The following TOM1 variants were observed in gnomAD, a reference collection of about 807,000 sequenced individuals.
The protein encoded by TOM1 is target of myb1 membrane trafficking protein, also known as target of Myb protein 1.
A neutral mutation model predicts 61.3 loss-of-function variants in TOM1; 38 were observed. The observed-to-expected ratio is 0.62, with a 90% CI of 0.48 to 0.81. The LOEUF (loss-of-function observed/expected upper bound fraction) is 0.81, where lower values mean the gene tolerates loss of function less well. TOM1 is among the 40% of genes least tolerant of loss of function. TOM1 has a pLI of 0.00. For missense variants in TOM1, 591 were observed against 659.6 expected (o/e 0.90, Z 1.14); for synonymous variants, 270 against 268.8 (o/e 1.00, Z -0.04).
intron 9 of TOM1, 173 bp downstream of exon 9, chr22:35,333,187 G>C (rs1928988724): frequency 1.2e-6 from 1 of 834,748 alleles, no homozygotes; most frequent in African/African-American, 1.7e-5. Flanking sequence ...AAATAAGGCT[G>C]TGCCACCACC....
intron 1 of TOM1, among the ~76,000 whole-genome samples, chr22:35,314,462 G>A (rs1347415465): frequency 6.6e-6 from 1 of 151,652 alleles, no homozygotes; most frequent in Non-Finnish European, 1.5e-5. Context: ...GGGGCGGGGG[G>A]TCCTTCTGCT....
chr22:35,322,780 G>A (rs1005625235), intron 3 of TOM1, among the ~76,000 whole-genome samples: 14 of 152,162 alleles, frequency 9.2e-5, no homozygotes, highest in African/African-American at 2.9e-4. Context: ...GTGCACTGAC[G>A]CCAGTCAGGG....
intron 11 of TOM1, among the ~76,000 whole-genome samples, chr22:35,335,017 C>T (rs1425852239): frequency 6.6e-6 from 1 of 152,186 alleles, no homozygotes; most frequent in Non-Finnish European, 1.5e-5. Context: ...CTGCCCTTCC[C>T]TGTGCACCGT....
At chr22:35,326,496 A>G (rs1279112278) in intron 6 of TOM1, among the ~76,000 whole-genome samples, 1 of 152,238 alleles carries the variant, frequency 6.6e-6, no homozygotes, top group African/African-American at 2.4e-5. Flanking sequence ...ATCCCTTGGA[A>G]CAAGTGCTAA....
intron 1 of TOM1, among the ~76,000 whole-genome samples, chr22:35,316,630 G>T (rs554056714): frequency 3.3e-5 from 5 of 152,328 alleles, no homozygotes; most frequent in Admixed American, 2.0e-4. Flanking sequence ...CCGACTCCCG[G>T]CCTGGAAATC....
chr22:35,301,350 G>C (rs1925767688), intron 1 of TOM1, among the ~76,000 whole-genome samples: 1 of 152,044 alleles, frequency 6.6e-6, no homozygotes, highest in African/African-American at 2.4e-5. Flanking sequence ...CGTTGTTCCT[G>C]AGATCACCAA....
chr22:35,347,093 G>A lies in TOM1; in HGVS notation c.1363G>A (p.Asp455Asn), dbSNP rs754296213. 14 of 1,613,492 alleles carry A rather than the reference G, an allele frequency of 8.7e-6. No homozygotes were observed. The highest frequency in any genetic ancestry group is 1.2e-5 in the Non-Finnish European group (14 of 1,179,802). Residue 455 changes from aspartate (D) to asparagine (N), a missense_variant, in exon 15 of 15, where the codon GAC becomes AAC. Physicochemically the swap from Asp to Asn is conservative, Grantham distance 23. Coordinates refer to ENST00000449058, the MANE Select transcript of TOM1 (RefSeq NM_005488.3). Reference protein sequence around the residue: ...KFLEERAKAADRLPNLSSPSA... With the variant: ...KFLEERAKAANRLPNLSSPSA... Reference sequence around the variant, plus strand: ...CCTGGAAGAACGGGCCAAAGCCGCGGACCGATTGCCCAACCTCTCCAGCCC... The same window carrying A: ...CCTGGAAGAACGGGCCAAAGCCGCGAACCGATTGCCCAACCTCTCCAGCCC...
At chr22:35,339,032 C>G (rs1200612182) in intron 12 of TOM1, among the ~76,000 whole-genome samples, 1 of 152,254 alleles carries the variant, frequency 6.6e-6, no homozygotes, top group Non-Finnish European at 1.5e-5. Flanking sequence ...CTGAGCCTGA[C>G]TTGAAACTGG....
chr22:35,300,914 A>G (rs1384535382), intron 1 of TOM1, among the ~76,000 whole-genome samples: 1 of 151,952 alleles, frequency 6.6e-6, no homozygotes, highest in Non-Finnish European at 1.5e-5. Flanking sequence ...AACAGTTGTA[A>G]TATTTATTAT....
chr22:35,327,903 C>A (rs552680901), intron 7 of TOM1, among the ~76,000 whole-genome samples: 1 of 152,140 alleles, frequency 6.6e-6, no homozygotes, highest in Non-Finnish European at 1.5e-5. Flanking sequence ...GGTATTCCCA[C>A]GGCCCCAGCC....
chr22:35,337,847 G>A (rs780447355), intron 11 of TOM1, among the ~76,000 whole-genome samples: 7 of 152,142 alleles, frequency 4.6e-5, no homozygotes, highest in East Asian at 1.9e-4. Flanking sequence ...CCTGTCTGCC[G>A]GCAGTTCAGG....
At position 35,334,410 on chromosome 22, in the gene TOM1, G is replaced by A. The variant is rs201416291; in HGVS notation, c.1110G>A (p.Ala370=). The A allele has an allele frequency of 4.2e-5, 67 of 1,614,102 alleles. No homozygotes were observed. In the East Asian group the frequency reaches 1.1e-3, roughly 26 times the overall value. Residue 370 remains alanine (A), a synonymous_variant, in exon 11 of 15, where the codon GCG becomes GCA. Coordinates refer to ENST00000449058, the MANE Select transcript of TOM1 (RefSeq NM_005488.3). The part of the protein sequence containing the change: ...GRLEDEFDMF[A]LTRGSSLADQ... ...TGGAAGATGAGTTTGACATGTTTGC[G>A]CTGACACGGGGCAGCTCACTGGCTG... is the stretch of plus-strand genomic sequence containing the variant.
intron 7 of TOM1, 25 bp from the exon 8 acceptor site, chr22:35,330,322 G>T (rs771892434): frequency 1.3e-6 from 2 of 1,596,536 alleles, no homozygotes; most frequent in South Asian, 2.2e-5. Flanking sequence ...TGTGACTGTG[G>T]TTGCCTCACT....
intron 12 of TOM1, among the ~76,000 whole-genome samples, chr22:35,341,284 C>T (rs530170422): frequency 6.6e-6 from 1 of 152,208 alleles, no homozygotes; most frequent in Admixed American, 6.5e-5. Flanking sequence ...GCACACACTA[C>T]GGTATTACGG....
chr22:35,312,938 G>A (rs1442009259), intron 1 of TOM1, among the ~76,000 whole-genome samples: 1 of 152,190 alleles, frequency 6.6e-6, no homozygotes, highest in Non-Finnish European at 1.5e-5. Context: ...GCAGGCCTGG[G>A]GAGGTGGCAG....
At chr22:35,308,711 G>A (rs547905351) in intron 1 of TOM1, among the ~76,000 whole-genome samples, 1 of 152,190 alleles carries the variant, frequency 6.6e-6, no homozygotes, top group Non-Finnish European at 1.5e-5. Flanking sequence ...ACCTCAGCCA[G>A]CCACTTCAAG....
At chr22:35,317,263 C>T (rs1035464585) in intron 1 of TOM1, among the ~76,000 whole-genome samples, 1 of 152,174 alleles carries the variant, frequency 6.6e-6, no homozygotes, top group Non-Finnish European at 1.5e-5. Context: ...GGCTCAATCT[C>T]TTTGCAACCT....
At chr22:35,313,302 G>C (rs561236378) in intron 1 of TOM1, among the ~76,000 whole-genome samples, 1 of 151,620 alleles carries the variant, frequency 6.6e-6, no homozygotes, top group Non-Finnish European at 1.5e-5. Flanking sequence ...AGCCAAGATC[G>C]TGCCACTGTA....
At chr22:35,313,428 A>T (rs1316215742) in intron 1 of TOM1, among the ~76,000 whole-genome samples, 1 of 151,794 alleles carries the variant, frequency 6.6e-6, no homozygotes. Context: ...GTCTTTGGTG[A>T]CTACTCATTC....
Sources: gnomAD v4.1 joint callset for allele counts (sites outside exome capture counted in the v4.1 genomes callset) on GRCh38, gnomAD v4.1.1 for gene constraint, MANE v1.5 for transcripts, NCBI Gene and HGNC (gene_info 2026-07-23, HGNC 2026-07-21) for gene names.